MTMR3: variants seen among roughly 807,000 people sequenced by gnomAD.
The protein encoded by MTMR3 is myotubularin related protein 3.
A neutral mutation model predicts 132.4 loss-of-function variants in MTMR3; 32 were observed. The observed-to-expected ratio is 0.24, with a 90% CI of 0.18 to 0.32. The LOEUF (loss-of-function observed/expected upper bound fraction) is 0.32. Ranked by LOEUF, MTMR3 falls within the 10% of genes least tolerant of loss-of-function variation. MTMR3 has a pLI of 1.00. For synonymous variants in MTMR3, 556 were observed against 550.3 expected, an observed-to-expected ratio of 1.01 and a Z score of -0.14; for missense variants, 1,216 against 1,489.6, an observed-to-expected ratio of 0.82 and a Z score of 3.02.
At chr22:29,975,770 T>A (rs1662919062) in intron 3 of MTMR3, among the ~76,000 whole-genome samples, 1 of 152,326 alleles carries the variant, frequency 6.6e-6, no homozygotes, top group Non-Finnish European at 1.5e-5. Flanking sequence ...TGTGCCCATC[T>A]AGTTTCTCTA....
Position 30,025,882 on chromosome 22 carries a change from G to C in MTMR3, c.*81G>C. ...TCAACCTGGGCAGACCGAGAGGCCC[G>C]TGCACTTTGGAATGGGAGCGTGGAA... is the stretch of plus-strand genomic sequence containing the variant. On this transcript the variant is annotated 3_prime_UTR_variant, in exon 20 of 20. Coordinates refer to ENST00000401950, the MANE Select transcript of MTMR3 (RefSeq NM_021090.4). 1 of 1,472,724 alleles carries C rather than the reference G, an allele frequency of 6.8e-7. No homozygotes were observed. 91.2% of individuals were successfully genotyped at this position (1,472,724 alleles called of 1,614,324 possible).
intron 1 of MTMR3, among the ~76,000 whole-genome samples, chr22:29,937,542 G>T (rs188653715): frequency 1.3e-5 from 2 of 151,740 alleles, no homozygotes. Context: ...TCAGCCTCCC[G>T]AGTAGCGGGG....
At chr22:29,986,639 AG>A in intron 5 of MTMR3, 1 of 952,924 alleles carries the variant, frequency 1.0e-6, no homozygotes, top group Non-Finnish European at 1.2e-6. Flanking sequence ...CTCAGAACAC[AG>A]GCAAGATTTT....
intron 1 of MTMR3, among the ~76,000 whole-genome samples, chr22:29,931,539 C>G (rs1002881404): frequency 3.3e-5 from 5 of 152,186 alleles, no homozygotes; most frequent in African/African-American, 1.2e-4. Flanking sequence ...CTCAGCCTCC[C>G]AAGTAGCTGG....
intron 1 of MTMR3, among the ~76,000 whole-genome samples, chr22:29,935,970 T>G (rs998316401): frequency 2.0e-5 from 3 of 151,790 alleles, no homozygotes; most frequent in Non-Finnish European, 4.4e-5. Flanking sequence ...GCCAGGGTGG[T>G]CTGGATCTCC....
intron 4 of MTMR3, 121 bp downstream of exon 4, chr22:29,978,652 T>C (rs1254566062): frequency 1.3e-6 from 1 of 742,328 alleles, no homozygotes; most frequent in South Asian, 2.3e-5. Context: ...GTAGTAGAAA[T>C]GCAAGCTGGA....
At chr22:29,962,015 A>G (rs2066322013) in intron 2 of MTMR3, among the ~76,000 whole-genome samples, 1 of 152,244 alleles carries the variant, frequency 6.6e-6, no homozygotes, top group South Asian at 2.1e-4. Flanking sequence ...CTAGGTTTGT[A>G]TAAATACCTC....
intron 8 of MTMR3, chr22:30,001,916 A>C (rs1009745500): frequency 1.3e-5 from 2 of 150,992 alleles, no homozygotes; most frequent in African/African-American, 4.9e-5. Context: ...AATGATCAAA[A>C]CCCCCAAATC....
intron 1 of MTMR3, among the ~76,000 whole-genome samples, chr22:29,952,036 G>GT (rs1332710832): frequency 6.6e-6 from 1 of 151,932 alleles, no homozygotes; most frequent in Non-Finnish European, 1.5e-5. Flanking sequence ...CTACAAGCAT[G>GT]TGCCACCACG....
At chr22:29,931,013 G>GAAAA (rs963131752) in intron 1 of MTMR3, among the ~76,000 whole-genome samples, 2 of 71,704 alleles carry the variant, frequency 2.8e-5, no homozygotes, top group East Asian at 9.1e-4. Flanking sequence ...TGTCTCAAAA[G>GAAAA]AAAAAAAAAA....
At chr22:29,953,825 C>T (rs867706768) in intron 1 of MTMR3, among the ~76,000 whole-genome samples, 1 of 152,124 alleles carries the variant, frequency 6.6e-6, no homozygotes, top group Non-Finnish European at 1.5e-5. Flanking sequence ...TTCGTTAGTG[C>T]TTAATGTGTT....
intron 1 of MTMR3, among the ~76,000 whole-genome samples, chr22:29,950,005 A>C (rs1224063061): frequency 6.6e-6 from 1 of 152,220 alleles, no homozygotes; most frequent in African/African-American, 2.4e-5. Context: ...CCTCTTCACC[A>C]GAGGTTAACT....
intron 1 of MTMR3, among the ~76,000 whole-genome samples, chr22:29,901,780 G>T (rs1272361831): frequency 6.6e-6 from 1 of 152,056 alleles, no homozygotes; most frequent in Non-Finnish European, 1.5e-5. Context: ...GCAAGCTCCT[G>T]GTCTCAAGGG....
rs1278701479 is a variant in MTMR3, at chr22:30,028,855, C to T, written c.*3054C>T. 6.6e-6 allele frequency: 1 copy of T among 152,406 alleles called. No homozygotes were observed. The highest frequency in any genetic ancestry group is 1.5e-5 in the Non-Finnish European group (1 of 68,056). The allele number at this position is 152,406 out of a possible 1,614,324, so 9.4% of individuals were successfully genotyped here. A position where few individuals can be genotyped will look rare whatever the true frequency, so the allele number is the denominator to read the frequency against. On this transcript the variant is annotated 3_prime_UTR_variant, in exon 20 of 20. Coordinates refer to ENST00000401950, the MANE Select transcript of MTMR3 (RefSeq NM_021090.4). ...GTGGAAGGAGAATGTGCCATCTCAGCTACCCTCAGTCCGCCAGGCAGCCCA... is the reference window on the plus strand; with the variant it reads ...GTGGAAGGAGAATGTGCCATCTCAGTTACCCTCAGTCCGCCAGGCAGCCCA...
intron 1 of MTMR3, among the ~76,000 whole-genome samples, chr22:29,928,972 A>G (rs914199818): frequency 6.6e-6 from 1 of 152,170 alleles, no homozygotes; most frequent in Non-Finnish European, 1.5e-5. Flanking sequence ...TACCATTATC[A>G]AAAGTGTGTA....
chr22:29,943,219 G>C (rs974788325), intron 1 of MTMR3, among the ~76,000 whole-genome samples: 7 of 151,468 alleles, frequency 4.6e-5, no homozygotes, highest in African/African-American at 1.7e-4. Flanking sequence ...TTGAGACAGA[G>C]TCTCACTCTG....
At chr22:29,917,369 A>C (rs903899285) in intron 1 of MTMR3, among the ~76,000 whole-genome samples, 2 of 152,220 alleles carry the variant, frequency 1.3e-5, no homozygotes, top group Non-Finnish European at 2.9e-5. Flanking sequence ...CAAGTGGCTC[A>C]TGCCTGTAGT....
intron 1 of MTMR3, among the ~76,000 whole-genome samples, chr22:29,936,776 TTG>T (rs2065758101): frequency 6.6e-6 from 1 of 152,264 alleles, no homozygotes; most frequent in African/African-American, 2.4e-5. Flanking sequence ...TTATTTGCTT[TTG>T]TAAATTCTCT....
chr22:30,012,836 CAG>C (rs2067469001), intron 13 of MTMR3: 1 of 308,152 alleles, frequency 3.2e-6, no homozygotes, highest in Non-Finnish European at 5.9e-6. Context: ...TTAGCTACCT[CAG>C]GAAAATAAGG....
Sources: allele counts gnomAD v4.1 joint callset (sites outside exome capture counted in the v4.1 genomes callset), GRCh38; gene constraint gnomAD v4.1.1; transcripts MANE v1.5; gene names NCBI Gene and HGNC (gene_info 2026-07-23, HGNC 2026-07-21).